LAMTOR4: variants seen among roughly 807,000 people sequenced by gnomAD.
The protein encoded by LAMTOR4 is late endosomal/lysosomal adaptor, MAPK and MTOR activator 4.
LAMTOR4 carries 11 observed loss-of-function variants against 13.5 expected under a neutral mutation model. That is an observed-to-expected ratio of 0.82 (90% CI 0.51 to 1.35). LAMTOR4 has a LOEUF of 1.35. LAMTOR4 is among the 40% of genes most tolerant of loss of function. The pLI is 0.00. For synonymous variants in LAMTOR4, 69 were observed against 52.3 expected (o/e 1.32, Z -1.38); for missense variants, 128 against 126.2 (o/e 1.01, Z -0.07).
chr7:100,153,650 G>A (rs1213411671), intron 3 of LAMTOR4, 133 bp downstream of exon 3: 1 of 850,824 alleles, frequency 1.2e-6, no homozygotes, highest in East Asian at 2.5e-5. Flanking sequence ...CTCCCTTTGG[G>A]ACTCCCTGGT....
Position 100,153,879 on chromosome 7 carries a change from AAC to A in LAMTOR4, c.222_223del (p.Leu75AlafsTer23). On this transcript the variant is annotated frameshift_variant, in exon 4 of 4. Coordinates refer to ENST00000341942, the MANE Select transcript of LAMTOR4 (RefSeq NM_001008395.4). LOFTEE classifies it high-confidence loss of function. ...GTCTCTCCTCCAGTGGTCTTTGGAGAACACACACTGCTGGTGACGGTGTCAGG... is the reference window on the plus strand; with the variant it reads ...GTCTCTCCTCCAGTGGTCTTTGGAGAACACACTGCTGGTGACGGTGTCAGG... 1 of 1,580,988 alleles carries A rather than the reference AAC, an allele frequency of 6.3e-7. No individual in the cohort carries two copies. The highest frequency in any genetic ancestry group is 8.6e-7 in the Non-Finnish European group (1 of 1,163,310).
intron 3 of LAMTOR4, 146 bp from the exon 4 acceptor site, chr7:100,153,721 A>G: frequency 1.3e-6 from 1 of 759,950 alleles, no homozygotes; most frequent in South Asian, 1.5e-5. Flanking sequence ...CTCATCTTCA[A>G]ATCTCTGAGC....
At chr7:100,153,631 G>C (rs1301007735) in intron 3 of LAMTOR4, 114 bp downstream of exon 3, 2 of 970,066 alleles carry the variant, frequency 2.1e-6, no homozygotes, top group Non-Finnish European at 3.3e-6. Flanking sequence ...CTCTGGTCTG[G>C]CCACTTTCCT....
chr7:100,150,247 T>A (rs1798660316), intron 2 of LAMTOR4, among the ~76,000 whole-genome samples: 3 of 152,218 alleles, frequency 2.0e-5, no homozygotes, highest in Admixed American at 1.3e-4. Flanking sequence ...TCTCCAGATG[T>A]TTTTGACTTA....
rs151108531 is a variant in LAMTOR4 at position 100,150,473 on chromosome 7, A to C, written c.84+894A>C. ...ACCTATCTGAACTGATGGTAAGTTT[A>C]TGCTGAAAAGATTTGGGAAGGTTTG... On this transcript the variant is annotated intron_variant, in intron 2 of 3. Transcript: ENST00000341942. 6.6e-4 allele frequency among the ~76,000 whole-genome samples: 100 copies of C among 152,316 alleles called. 1 individual carries two copies. The highest frequency in any genetic ancestry group is 2.3e-3 in the African/African-American group (97 of 41,572).
At chr7:100,149,197 C>T (rs1456427859) in intron 1 of LAMTOR4, 8 of 632,890 alleles carry the variant, frequency 1.3e-5, no homozygotes, top group Non-Finnish European at 1.9e-5. Context: ...CGGGCGGAGA[C>T]GAAGGGAGGT....
chr7:100,149,067 C>G lies in LAMTOR4; in HGVS notation c.3+92C>G, dbSNP rs1798615617. On this transcript the variant is annotated intron_variant, in intron 1 of 3. Coordinates refer to ENST00000341942, the MANE Select transcript of LAMTOR4 (RefSeq NM_001008395.4). ...GGTTTCCCCCTGGTGGGCCTGCGCT[C>G]CACCCTCACCTCCTATCCGCTCGGG... 11 of 1,472,544 alleles carry G rather than the reference C, an allele frequency of 7.5e-6. No homozygotes were observed. In the South Asian group the frequency reaches 1.4e-4, roughly 18 times the overall value. The allele number at this position is 1,472,544 out of a possible 1,614,324, so 91.2% of individuals were successfully genotyped here. A position where few individuals can be genotyped will look rare whatever the true frequency, so the allele number is the denominator to read the frequency against.
Position 100,148,988 on chromosome 7 carries a change from G to T in LAMTOR4, c.3+13G>T. On this transcript the variant is annotated intron_variant, in intron 1 of 3. Transcript: ENST00000341942. ...GAAGACTGCGATGGTGAGTGAGGAC[G>T]CATGCGCGAGAGGACCCGCCGGGGG... 6.2e-7 allele frequency: 1 copy of T among 1,609,374 alleles called. No homozygotes were observed. Among genetic ancestry groups the T allele is most frequent in the Non-Finnish European group, 8.5e-7 (1 of 1,178,830 alleles).
At chr7:100,153,371 G>T in intron 2 of LAMTOR4, 29 bp from the exon 3 acceptor site, 1 of 1,493,090 alleles carries the variant, frequency 6.7e-7, no homozygotes, top group Non-Finnish European at 9.3e-7. Flanking sequence ...CGTAATGCCC[G>T]CCCCTCTCCC....
chr7:100,153,982 G>T lies in LAMTOR4; in HGVS notation c.*18G>T. The T allele has an allele frequency of 6.4e-7, 1 of 1,558,668 alleles. No individual in the cohort carries two copies. Among genetic ancestry groups the T allele is most frequent in the South Asian group, 1.2e-5 (1 of 84,844 alleles). ...ATGTCTGAGCCTGCCGGAGGGCGAG[G>T]GTCGGAGAAGCGGATTGGGTCCTGG... is the stretch of plus-strand genomic sequence containing the variant. On this transcript the variant is annotated 3_prime_UTR_variant, in exon 4 of 4. Transcript: ENST00000341942.
intron 2 of LAMTOR4, 24 bp from the exon 3 acceptor site, chr7:100,153,374 CCT>C: frequency 6.6e-7 from 1 of 1,514,838 alleles, no homozygotes; most frequent in Non-Finnish European, 9.1e-7. Flanking sequence ...AATGCCCGCC[CCT>C]CTCCCTCCTC....
Position 100,153,456 on chromosome 7 carries a change from C to T in LAMTOR4, c.141C>T (p.Val47=), listed in dbSNP as rs539549068. Reference sequence around the variant, plus strand: ...CAGCCAGTGCCATCTCTGAGCTGGTCAGCACAGCCTGCGGTTTCCGGCTGC... The same window carrying T: ...CAGCCAGTGCCATCTCTGAGCTGGTTAGCACAGCCTGCGGTTTCCGGCTGC... ...EQAASAISEL[V]STACGFRLHR... is the part of the protein sequence containing the mutation. Residue 47 remains valine, a synonymous_variant, in exon 3 of 4, where the codon GTC becomes GTT. Coordinates refer to ENST00000341942, the MANE Select transcript of LAMTOR4 (RefSeq NM_001008395.4). 129 of 1,610,894 alleles carry T rather than the reference C, an allele frequency of 8.0e-5. 1 individual carries two copies. In the South Asian group the frequency reaches 1.3e-3, roughly 17 times the overall value.
At chr7:100,151,231 T>C (rs1313974624) in intron 2 of LAMTOR4, among the ~76,000 whole-genome samples, 1 of 151,384 alleles carries the variant, frequency 6.6e-6, no homozygotes, top group African/African-American at 2.4e-5. Context: ...TGCACCACCA[T>C]GCCCAGCTAA....
At chr7:100,150,235 A>T (rs1470966166) in intron 2 of LAMTOR4, among the ~76,000 whole-genome samples, 1 of 152,222 alleles carries the variant, frequency 6.6e-6, no homozygotes, top group South Asian at 2.1e-4. Flanking sequence ...TATAGTGTTA[A>T]GTCTCCAGAT....
intron 2 of LAMTOR4, among the ~76,000 whole-genome samples, chr7:100,150,189 C>A (rs1215109576): frequency 6.6e-6 from 1 of 152,054 alleles, no homozygotes; most frequent in African/African-American, 2.4e-5. Context: ...TTTGGTATTT[C>A]TTAAAGAGGC....
rs760171929 is a variant in LAMTOR4 at position 100,149,506 on chromosome 7, C to T, written c.11C>T (p.Ala4Val). 3.7e-6 allele frequency: 6 copies of T among 1,612,566 alleles called. No individual in the cohort carries two copies. Among genetic ancestry groups the T allele is most frequent in the Admixed American group, 1.7e-5 (1 of 59,994 alleles). Reference protein sequence around the residue: MTSALTQGLERIPD... With the variant: MTSVLTQGLERIPD... ...TGCATCTTTACCCACTAGACTTCTG[C>T]GCTGACCCAGGGGCTGGAGCGAATC... Residue 4 changes from alanine (A) to valine (V), a missense_variant, in exon 2 of 4, where the codon GCG becomes GTG. By Grantham distance (64) the Ala-to-Val change is moderately conservative (BLOSUM62 0). Transcript: ENST00000341942.
In LAMTOR4 at chr7:100,148,925, C is replaced by G; in HGVS notation, c.-48C>G. On this transcript the variant is annotated 5_prime_UTR_variant, in exon 1 of 4. Coordinates refer to ENST00000341942, the MANE Select transcript of LAMTOR4 (RefSeq NM_001008395.4). ...CAAGCACGTGACCGGGGCCTGAAGC[C>G]GGAAGCTACCTATCTGGTAGGGAGC... 1.2e-6 allele frequency: 2 copies of G among 1,611,358 alleles called. No homozygotes were observed. The highest frequency in any genetic ancestry group is 1.7e-6 in the Non-Finnish European group (2 of 1,179,720).
intron 2 of LAMTOR4, 33 bp from the exon 3 acceptor site, chr7:100,153,367 G>T (rs773219672): frequency 1.4e-6 from 2 of 1,466,438 alleles, no homozygotes; most frequent in Middle Eastern, 1.8e-4. Context: ...GTGCCGTAAT[G>T]CCCGCCCCTC....
At chr7:100,153,665 G>C (rs768098494) in intron 3 of LAMTOR4, 148 bp downstream of exon 3, 2 of 782,430 alleles carry the variant, frequency 2.6e-6, no homozygotes, top group East Asian at 5.2e-5. Context: ...CCTGGTATCA[G>C]AATTGTGAAT....
Sources: gnomAD v4.1 joint callset for allele counts (sites outside exome capture counted in the v4.1 genomes callset) on GRCh38, gnomAD v4.1.1 for gene constraint, MANE v1.5 for transcripts, NCBI Gene and HGNC (gene_info 2026-07-23, HGNC 2026-07-21) for gene names.